ALMS1: variants seen among roughly 807,000 people sequenced by gnomAD.
The protein encoded by ALMS1 is centrosome-associated protein ALMS1.
ALMS1 carries 271 observed loss-of-function variants against 352.2 expected under a neutral mutation model. That is an observed-to-expected ratio of 0.77 (90% CI 0.70 to 0.85). ALMS1 has a LOEUF of 0.85. ALMS1 is among the 40% of genes least tolerant of loss of function. ALMS1 has a pLI of 0.00. For missense variants in ALMS1, 5,445 were observed against 4,870.7 expected, an observed-to-expected ratio of 1.12 and a Z score of -3.51; for synonymous variants, 1,865 against 1,761.2, an observed-to-expected ratio of 1.06 and a Z score of -1.48.
intron 11 of ALMS1, among the ~76,000 whole-genome samples, chr2:73,523,383 A>G (rs915063003): frequency 1.3e-5 from 2 of 152,220 alleles, no homozygotes; most frequent in African/African-American, 2.4e-5. Flanking sequence ...CCTTAGAAGC[A>G]GGCTACTAAC....
At chr2:73,412,454 G>A (rs1671097973) in intron 2 of ALMS1, among the ~76,000 whole-genome samples, 1 of 152,168 alleles carries the variant, frequency 6.6e-6, no homozygotes, top group Non-Finnish European at 1.5e-5. Context: ...CCATTTGTGT[G>A]TAGGTTTTTC....
intron 1 of ALMS1, among the ~76,000 whole-genome samples, chr2:73,402,760 C>T (rs968865642): frequency 6.6e-6 from 1 of 152,122 alleles, no homozygotes; most frequent in Non-Finnish European, 1.5e-5. Context: ...TTTTAATTTG[C>T]ATTTCCCTGA....
At chr2:73,401,096 A>G (rs1326503421) in intron 1 of ALMS1, among the ~76,000 whole-genome samples, 3 of 152,058 alleles carry the variant, frequency 2.0e-5, no homozygotes, top group Non-Finnish European at 4.4e-5. Flanking sequence ...CTCATTTTTG[A>G]TGTTCATAAT....
chr2:73,465,433 A>G (rs561059723), intron 9 of ALMS1, among the ~76,000 whole-genome samples: 229 of 152,212 alleles, frequency 1.5e-3, no homozygotes, highest in African/African-American at 4.7e-3. Context: ...CTGGCTAGCC[A>G]TATGTAGAAA....
chr2:73,575,201 A>G (rs1271787316), intron 16 of ALMS1, among the ~76,000 whole-genome samples: 1 of 152,032 alleles, frequency 6.6e-6, no homozygotes, highest in Non-Finnish European at 1.5e-5. Context: ...CTTTTTGGTT[A>G]TTGTGAATAG....
intron 12 of ALMS1, among the ~76,000 whole-genome samples, chr2:73,543,507 T>C (rs556513927): frequency 3.5e-4 from 53 of 152,220 alleles, no homozygotes; most frequent in African/African-American, 1.2e-3. Flanking sequence ...AAAGCCAAAA[T>C]TGACAAATGG....
intron 6 of ALMS1, among the ~76,000 whole-genome samples, chr2:73,430,177 C>CA (rs1671471277): frequency 6.6e-6 from 1 of 151,402 alleles, no homozygotes; most frequent in African/African-American, 2.4e-5. Context: ...CCCGGGTTCA[C>CA]ACCATTCTCC....
rs76861042 is a variant in ALMS1 at position 73,449,590 on chromosome 2, T to C, written c.3063T>C (p.Tyr1021=). Residue 1021 remains tyrosine, a synonymous_variant, in exon 8 of 23, where the codon TAT becomes TAC. Coordinates refer to ENST00000613296, the MANE Select transcript of ALMS1 (RefSeq NM_001378454.1). Reference sequence around the variant, plus strand: ...ATCAACAGGAGTGGCCAGATAGTTATGCAACTGAAAAGGCTCTGAAAGTTT... The same window carrying C: ...ATCAACAGGAGTGGCCAGATAGTTACGCAACTGAAAAGGCTCTGAAAGTTT... ...IFYQQEWPDS[Y]ATEKALKVST... is the part of the protein sequence containing the mutation. 1.2e-6 allele frequency: 2 copies of C among 1,614,078 alleles called. No homozygotes were observed. Among genetic ancestry groups the C allele is most frequent in the African/African-American group, 1.3e-5 (1 of 75,034 alleles).
chr2:73,550,991 A>G (rs905600892), intron 13 of ALMS1, among the ~76,000 whole-genome samples: 4 of 151,972 alleles, frequency 2.6e-5, no homozygotes, highest in African/African-American at 9.7e-5. Context: ...AGAGGCACAC[A>G]CCACTATGCC....
Position 73,600,721 on chromosome 2 carries a change from T to C in ALMS1, c.11712T>C (p.Asp3904=). 2 of 1,614,162 alleles carry C rather than the reference T, an allele frequency of 1.2e-6. No individual in the cohort carries two copies. The highest frequency in any genetic ancestry group is 1.7e-6 in the Non-Finnish European group (2 of 1,180,020). The change falls in exon 18 of 23, where the codon GAT becomes GAC. Residue 3904 remains aspartate (D), a synonymous_variant. Transcript: ENST00000613296. The part of the protein sequence containing the change: ...IVNGAKKHTR[D]VGITFPTPSS... The stretch of plus-strand genomic sequence containing the variant: ...ACGGTGCCAAAAAACACACTCGAGA[T>C]GTTGGGATAACTTTCCCAACTCCAA...
At position 73,558,828 on chromosome 2, in the gene ALMS1, A is replaced by G. The variant is rs769174953; in HGVS notation, c.10214-144A>G. The G allele has an allele frequency of 5.0e-5, 45 of 895,610 alleles. 1 individual carries two copies. The highest frequency in any genetic ancestry group is 7.4e-5 in the Non-Finnish European group (44 of 592,758). 55.5% of individuals were successfully genotyped at this position (895,610 alleles called of 1,614,324 possible). ...ATGTGATTTTTTGCCCCAATTTTCA[A>G]TTATTTTCTAAACGCATTTCTGAGT... On this transcript the variant is annotated intron_variant, in intron 14 of 22. Transcript: ENST00000613296.
intron 7 of ALMS1, among the ~76,000 whole-genome samples, chr2:73,443,207 C>G (rs1251830416): frequency 3.9e-5 from 6 of 152,182 alleles, no homozygotes; most frequent in Middle Eastern, 3.4e-3. Flanking sequence ...CATTGTTAAC[C>G]TTGGGGTAAA....
intron 10 of ALMS1, among the ~76,000 whole-genome samples, chr2:73,519,016 A>G (rs1173407352): frequency 6.6e-6 from 1 of 152,082 alleles, no homozygotes; most frequent in Non-Finnish European, 1.5e-5. Flanking sequence ...CTGGAATGGT[A>G]TTGTCTAGGT....
chr2:73,490,561 A>G lies in ALMS1; in HGVS notation c.8602A>G (p.Lys2868Glu), dbSNP rs2103892452. The change falls in exon 10 of 23, where the codon AAG becomes GAG. Residue 2868 changes from lysine (K) to glutamate (E), a missense_variant. Lys to Glu is a moderately conservative substitution (Grantham distance 56). Transcript: ENST00000613296. ...GAGTTCCAGACTAGGAGTAAAAGAGAAGAATGTAACTATAACTCCAGATCT... is the reference window on the plus strand; with the variant it reads ...GAGTTCCAGACTAGGAGTAAAAGAGGAGAATGTAACTATAACTCCAGATCT... ...RSSSRLGVKE[K>E]NVTITPDLPS... The G allele has an allele frequency of 6.2e-7, 1 of 1,614,178 alleles. No homozygotes were observed. Among genetic ancestry groups the G allele is most frequent in the Middle Eastern group, 1.6e-4 (1 of 6,062 alleles).
At chr2:73,590,316 A>G (rs903433847) in intron 16 of ALMS1, among the ~76,000 whole-genome samples, 2 of 152,164 alleles carry the variant, frequency 1.3e-5, no homozygotes, top group African/African-American at 4.8e-5. Flanking sequence ...ATATCTGGTA[A>G]AACTTCATTG....
rs925032518 is a variant in ALMS1, at chr2:73,412,152, G to A, written c.450+3405G>A. On this transcript the variant is annotated intron_variant, in intron 2 of 22. Transcript: ENST00000613296. ...GTTTGTCAAGTGAGCTTTGACATACGTATACAGTCATGCAGTCACCACCAC... is the reference window on the plus strand; with the variant it reads ...GTTTGTCAAGTGAGCTTTGACATACATATACAGTCATGCAGTCACCACCAC... 4.6e-5 allele frequency among the ~76,000 whole-genome samples: 7 copies of A among 152,122 alleles called. No individual in the cohort carries two copies. The South Asian group carries it at 1.2e-3, about 27-fold the overall frequency.
intron 9 of ALMS1, among the ~76,000 whole-genome samples, chr2:73,474,898 C>G (rs1558660678): frequency 6.6e-6 from 1 of 152,050 alleles, no homozygotes; most frequent in Non-Finnish European, 1.5e-5. Flanking sequence ...TCATTAGCCC[C>G]TCTCCCCCAA....
intron 16 of ALMS1, among the ~76,000 whole-genome samples, chr2:73,585,555 G>T (rs1675292488): frequency 6.6e-6 from 1 of 151,498 alleles, no homozygotes. Flanking sequence ...CACCACGTCT[G>T]GCTAATTTTT....
chr2:73,493,771 G>A (rs60130127), intron 10 of ALMS1, among the ~76,000 whole-genome samples: 12,065 of 152,130 alleles, frequency 0.079, 1,219 homozygotes, highest in African/African-American at 0.23. Flanking sequence ...TAAAGTATAT[G>A]TGTATAAAAT....
Sources: allele counts gnomAD v4.1 joint callset (sites outside exome capture counted in the v4.1 genomes callset), GRCh38; gene constraint gnomAD v4.1.1; transcripts MANE v1.5; gene names NCBI Gene and HGNC (gene_info 2026-07-23, HGNC 2026-07-21).